Variants in PYGL observed in about 807,000 individuals in gnomAD.
The protein encoded by PYGL is glycogen phosphorylase L.
Under a neutral mutation model 100.1 loss-of-function variants are expected in PYGL, and 90 were observed. The observed-to-expected ratio is 0.90, with a 90% CI of 0.76 to 1.07. PYGL has a LOEUF of 1.07. PYGL is among the 50% of genes least tolerant of loss of function. The pLI is 0.00. For synonymous variants in PYGL, 373 were observed against 393.0 expected (o/e 0.95, Z 0.60); for missense variants, 1,016 against 1,057.6 (o/e 0.96, Z 0.55).
At position 50,914,827 on chromosome 14, in the gene PYGL, G is replaced by A; in HGVS notation, c.1404-12C>T. 6.3e-7 allele frequency: 1 copy of A among 1,593,136 alleles called. No homozygotes were observed. The highest frequency in any genetic ancestry group is 8.6e-7 in the Non-Finnish European group (1 of 1,161,346). On this transcript the variant is annotated splice_polypyrimidine_tract_variant and intron_variant, in intron 11 of 19. Transcript: ENST00000216392. ...TGAAGTCCTTGAATCTGGAGATGGA[G>A]GAGACACATCACTGAATTTGGCTGA...
intron 12 of PYGL, among the ~76,000 whole-genome samples, chr14:50,913,765 C>A (rs528779381): frequency 3.3e-5 from 5 of 152,258 alleles, no homozygotes; most frequent in African/African-American, 1.2e-4. Flanking sequence ...TCATAGCTCA[C>A]TGCAGCCTTG....
chr14:50,933,389 T>G (rs774456670), intron 3 of PYGL, among the ~76,000 whole-genome samples: 24 of 152,344 alleles, frequency 1.6e-4, no homozygotes, highest in South Asian at 1.4e-3. Context: ...CTGTGACTAA[T>G]GTACTAAGGA....
At chr14:50,932,668 C>A (rs1311114435) in intron 3 of PYGL, among the ~76,000 whole-genome samples, 1 of 152,154 alleles carries the variant, frequency 6.6e-6, no homozygotes. Flanking sequence ...AATGACAGGG[C>A]ATCTGATCCA....
intron 1 of PYGL, among the ~76,000 whole-genome samples, chr14:50,943,298 T>C (rs1455937490): frequency 6.6e-6 from 1 of 152,178 alleles, no homozygotes; most frequent in Non-Finnish European, 1.5e-5. Context: ...TCCCCAGTCC[T>C]TCCCCACTGC....
chr14:50,920,744 A>G (rs1182525999), intron 6 of PYGL, 121 bp from the exon 7 acceptor site: 32 of 1,176,696 alleles, frequency 2.7e-5, no homozygotes, highest in Non-Finnish European at 3.8e-5. Context: ...AAAAATCCCA[A>G]AGGATTTCAA....
intron 17 of PYGL, 85 bp downstream of exon 17, chr14:50,909,810 G>A (rs1283289482): frequency 2.2e-5 from 31 of 1,439,626 alleles, no homozygotes; most frequent in Middle Eastern, 2.2e-4. Context: ...GTGGGATATC[G>A]GTGTGGGCAG....
Position 50,914,675 on chromosome 14 carries a change from C to T in PYGL, c.1518+26G>A, listed in dbSNP as rs1229306138. 6 of 1,572,512 alleles carry T rather than the reference C, an allele frequency of 3.8e-6. No homozygotes were observed. The Admixed American group carries it at 1.0e-4, about 26-fold the overall frequency. On this transcript the variant is annotated intron_variant, in intron 12 of 19. Coordinates refer to ENST00000216392, the MANE Select transcript of PYGL (RefSeq NM_002863.5). ...GCCTCTTGCATTCGAGTCAGGCCTC[C>T]TTTCCTCTCAGCACTTCCCAGTTAC...
intron 4 of PYGL, among the ~76,000 whole-genome samples, chr14:50,927,346 T>A (rs1043178411): frequency 6.6e-6 from 1 of 152,204 alleles, no homozygotes; most frequent in African/African-American, 2.4e-5. Context: ...TGCCTCAGCC[T>A]CCCAAGTACC....
chr14:50,923,959 C>G lies in PYGL; in HGVS notation c.660+10G>C. 6.2e-7 allele frequency: 1 copy of G among 1,613,122 alleles called. No homozygotes were observed. The highest frequency in any genetic ancestry group is 1.3e-5 in the African/African-American group (1 of 75,024). ...ATACAAAACGCTGGCTATACGAGCACTCTGAATACTTGAGTGTCAATCCAC... is the reference window on the plus strand; with the variant it reads ...ATACAAAACGCTGGCTATACGAGCAGTCTGAATACTTGAGTGTCAATCCAC... On this transcript the variant is annotated intron_variant, in intron 5 of 19. Coordinates refer to ENST00000216392, the MANE Select transcript of PYGL (RefSeq NM_002863.5).
intron 4 of PYGL, among the ~76,000 whole-genome samples, chr14:50,929,107 G>A (rs897683921): frequency 2.0e-5 from 3 of 151,996 alleles, no homozygotes; most frequent in African/African-American, 7.3e-5. Context: ...CTGGTGTGCA[G>A]TGGCACTATC....
At chr14:50,925,820 G>A (rs2050542233) in intron 4 of PYGL, among the ~76,000 whole-genome samples, 1 of 152,190 alleles carries the variant, frequency 6.6e-6, no homozygotes, top group African/African-American at 2.4e-5. Context: ...GCCACTGGAG[G>A]AAGGAGGAGG....
At position 50,937,762 on chromosome 14, in the gene PYGL, T is replaced by G. The variant is rs1415005601; in HGVS notation, c.319A>C (p.Asn107His). 6.2e-7 allele frequency: 1 copy of G among 1,614,062 alleles called. No homozygotes were observed. The highest frequency in any genetic ancestry group is 1.1e-5 in the South Asian group (1 of 91,086). Residue 107 changes from asparagine (N) to histidine (H), a missense_variant, in exon 2 of 20, where the codon AAT (asparagine) becomes CAT (histidine). Transcript: ENST00000216392. ...QNTMINLGLQ[N>H]ACDEAIYQLG... ...TGGTAAATGGCCTCATCACAGGCAT[T>G]TTGCAGACCGAGGTTGATCATGGTG...
intron 5 of PYGL, among the ~76,000 whole-genome samples, chr14:50,922,979 G>A (rs566958741): frequency 1.1e-3 from 170 of 152,352 alleles, no homozygotes; most frequent in African/African-American, 3.9e-3. Context: ...TCCCATGCAC[G>A]CACAGAGCAC....
rs113993975 is a variant in PYGL, at chr14:50,921,030, C to T, written c.698G>A (p.Gly233Asp). The T allele has an allele frequency of 2.5e-6, 4 of 1,614,160 alleles. No homozygotes were observed. In the East Asian group the frequency reaches 8.9e-5, roughly 36 times the overall value. Residue 233 changes from glycine (G) to aspartate (D), a missense_variant, in exon 6 of 20, where the codon GGC becomes GAC. Coordinates refer to ENST00000216392, the MANE Select transcript of PYGL (RefSeq NM_002863.5). Reference sequence around the variant, plus strand: ...GGTGTTGACAGTGTTATTCATGTAGCCGGGCACGGGGGTGTCATATGGCAG... The same window carrying T: ...GGTGTTGACAGTGTTATTCATGTAGTCGGGCACGGGGGTGTCATATGGCAG... ...LALPYDTPVP[G>D]YMNNTVNTMR...
At chr14:50,928,030 G>A (rs1596045411) in intron 4 of PYGL, among the ~76,000 whole-genome samples, 1 of 152,198 alleles carries the variant, frequency 6.6e-6, no homozygotes, top group Admixed American at 6.5e-5. Flanking sequence ...TGTCAGAGCT[G>A]TTTCATCCCA....
chr14:50,911,220 T>G (rs2050393574), intron 16 of PYGL, among the ~76,000 whole-genome samples: 1 of 152,198 alleles, frequency 6.6e-6, no homozygotes, highest in Non-Finnish European at 1.5e-5. Context: ...TGTCCCCATG[T>G]GGGAGCATCA....
At chr14:50,933,800 T>C (rs1377031153) in intron 3 of PYGL, among the ~76,000 whole-genome samples, 1 of 152,140 alleles carries the variant, frequency 6.6e-6, no homozygotes, top group Non-Finnish European at 1.5e-5. Context: ...GGAATATATA[T>C]CTTCCAGATC....
At chr14:50,933,966 C>A (rs2050629108) in intron 3 of PYGL, among the ~76,000 whole-genome samples, 1 of 152,140 alleles carries the variant, frequency 6.6e-6, no homozygotes, top group African/African-American at 2.4e-5. Context: ...ACATCTAGGT[C>A]AATTTTGTTC....
chr14:50,934,736 G>C (rs763505653), intron 3 of PYGL, among the ~76,000 whole-genome samples: 2 of 151,986 alleles, frequency 1.3e-5, no homozygotes, highest in African/African-American at 4.8e-5. Context: ...AAAAGGTCTG[G>C]AATTCTAAAT....
Sources: gnomAD v4.1 joint callset for allele counts (sites outside exome capture counted in the v4.1 genomes callset) on GRCh38, gnomAD v4.1.1 for gene constraint, MANE v1.5 for transcripts, NCBI Gene and HGNC (gene_info 2026-07-23, HGNC 2026-07-21) for gene names.